Variants in TSPAN15 observed in about 807,000 individuals in gnomAD.
TSPAN15 encodes the protein tetraspanin-15.
In TSPAN15, 20 loss-of-function variants were observed where a neutral mutation model predicts 34.5. The ratio of observed to expected loss-of-function variants is 0.58; its 90% confidence interval spans 0.41 to 0.84. TSPAN15 has a LOEUF of 0.84. TSPAN15 is among the 40% of genes least tolerant of loss of function. The pLI is 0.00. For synonymous variants in TSPAN15, 155 were observed against 153.9 expected, an observed-to-expected ratio of 1.01 and a Z score of -0.05; for missense variants, 313 against 386.1, an observed-to-expected ratio of 0.81 and a Z score of 1.59.
intron 3 of TSPAN15, among the ~76,000 whole-genome samples, chr10:69,490,387 A>T (rs931917849): frequency 1.5e-4 from 23 of 152,176 alleles, no homozygotes; most frequent in African/African-American, 5.3e-4. Flanking sequence ...ACCTACACAC[A>T]TCCTCCTGTA....
intron 3 of TSPAN15, chr10:69,495,112 C>T (rs1052230176): frequency 1.9e-5 from 3 of 158,354 alleles, no homozygotes; most frequent in Non-Finnish European, 4.1e-5. Context: ...CCCCAAGTCT[C>T]GAGCTCCTCA....
rs1842353727 is a variant in TSPAN15, at chr10:69,507,333, T to C, written c.*355T>C. On this transcript the variant is annotated 3_prime_UTR_variant, in exon 8 of 8. Transcript: ENST00000373290. ...CTTGGCGGTGGTATTCAAGGCAGTT[T>C]TGTAGCACCTGTAATTGGGGAGAGG... is the stretch of plus-strand genomic sequence containing the variant. 5.7e-6 allele frequency: 7 copies of C among 1,221,076 alleles called. No individual in the cohort carries two copies. The highest frequency in any genetic ancestry group is 7.2e-5 in the Admixed American group (2 of 27,804). The allele number at this position is 1,221,076 out of a possible 1,614,324, so 75.6% of individuals were successfully genotyped here. A position where few individuals can be genotyped will look rare whatever the true frequency, so the allele number is the denominator to read the frequency against.
At chr10:69,465,525 A>C (rs1841364961) in intron 1 of TSPAN15, among the ~76,000 whole-genome samples, 1 of 152,150 alleles carries the variant, frequency 6.6e-6, no homozygotes, top group African/African-American at 2.4e-5. Context: ...CTAACAGTTA[A>C]CGAGCCCTTC....
intron 3 of TSPAN15, among the ~76,000 whole-genome samples, chr10:69,485,609 T>G (rs1219725702): frequency 6.6e-6 from 1 of 152,116 alleles, no homozygotes; most frequent in African/African-American, 2.4e-5. Flanking sequence ...GAGGTCCTTG[T>G]AGGCCATGAG....
the TSPAN15 span, among the ~76,000 whole-genome samples, chr10:69,521,165 C>T: frequency 5.4e-3 from 819 of 152,278 alleles, no homozygotes; most frequent in Non-Finnish European, 8.9e-3. Context: ...AGATCTCCTT[C>T]CCCAGCGTGG....
rs760655535 is a variant in TSPAN15 at position 69,495,741 on chromosome 10, C to A, written c.453+52C>A. 40 of 1,268,918 alleles carry A rather than the reference C, an allele frequency of 3.2e-5. No homozygotes were observed. In the African/African-American group the frequency reaches 4.9e-4, roughly 15 times the overall value. The allele number at this position is 1,268,918 out of a possible 1,614,324, so 78.6% of individuals were successfully genotyped here. ...TGCGCCTCCCGTGCTCTTAGCCCCC[C>A]ATTCAGGCCCCTGCTCAAGAAGATG... On this transcript the variant is annotated intron_variant, in intron 4 of 7. Transcript: ENST00000373290.
intron 4 of TSPAN15, among the ~76,000 whole-genome samples, chr10:69,496,401 G>A (rs1288946234): frequency 6.6e-6 from 1 of 151,306 alleles, no homozygotes; most frequent in Non-Finnish European, 1.5e-5. Context: ...GCTGTCCTGG[G>A]TGGCTTTTGT....
At chr10:69,468,073 G>C (rs969854452) in intron 1 of TSPAN15, among the ~76,000 whole-genome samples, 2 of 152,128 alleles carry the variant, frequency 1.3e-5, no homozygotes, top group Non-Finnish European at 2.9e-5. Flanking sequence ...ATTAGGAAAG[G>C]CTTGCCTGGA....
chr10:69,542,680 C>G, the TSPAN15 span, among the ~76,000 whole-genome samples: 5 of 152,232 alleles, frequency 3.3e-5, no homozygotes, highest in Non-Finnish European at 7.4e-5. Context: ...CAGGGGGGAG[C>G]CCCTCATAAA....
chr10:69,487,784 A>G (rs1311329768), intron 3 of TSPAN15, among the ~76,000 whole-genome samples: 1 of 152,196 alleles, frequency 6.6e-6, no homozygotes, highest in African/African-American at 2.4e-5. Flanking sequence ...GGGGCCCTTC[A>G]GTGCTCACAG....
In TSPAN15 at chr10:69,469,480, A is replaced by G. The variant is rs79503134; in HGVS notation, c.97-14211A>G. Among the ~76,000 whole-genome samples the G allele has an allele frequency of 2.1e-3, 318 of 151,910 alleles. 5 individuals carry two copies. The East Asian group carries it at 0.021, about 10-fold the overall frequency. ...GTAGGCTCTTTTGAGACAGAGTCTT[A>G]CTCTGTCACCCAGGTTGGCCGGAGT... is the stretch of plus-strand genomic sequence containing the variant. On this transcript the variant is annotated intron_variant, in intron 1 of 7. Coordinates refer to ENST00000373290, the MANE Select transcript of TSPAN15 (RefSeq NM_012339.5).
At chr10:69,458,661 A>T (rs1841169594) in intron 1 of TSPAN15, among the ~76,000 whole-genome samples, 1 of 152,090 alleles carries the variant, frequency 6.6e-6, no homozygotes, top group Non-Finnish European at 1.5e-5. Flanking sequence ...GGGCACAGAG[A>T]GGTCCTCCCC....
downstream of TSPAN15, chr10:69,507,709 A>T: frequency 8.3e-7 from 1 of 1,199,116 alleles, no homozygotes; most frequent in Non-Finnish European, 1.1e-6. Context: ...GGGCGGGGGT[A>T]AGGAAGGCTG....
At chr10:69,513,456 C>T in the TSPAN15 span, among the ~76,000 whole-genome samples, 1 of 152,170 alleles carries the variant, frequency 6.6e-6, no homozygotes, top group Non-Finnish European at 1.5e-5. Flanking sequence ...ATCTTCCCAC[C>T]TCAGCCTCCT....
At chr10:69,517,774 C>T in the TSPAN15 span, among the ~76,000 whole-genome samples, 1 of 152,196 alleles carries the variant, frequency 6.6e-6, no homozygotes, top group Non-Finnish European at 1.5e-5. Context: ...GTGAGGAGGG[C>T]TCTGCCAGGG....
intron 1 of TSPAN15, among the ~76,000 whole-genome samples, chr10:69,476,470 T>C (rs1457205697): frequency 4.0e-5 from 6 of 151,108 alleles, no homozygotes; most frequent in African/African-American, 1.5e-4. Context: ...GATGGGAGGA[T>C]CGCTTGAGCT....
rs184377230 is a variant in TSPAN15 at position 69,483,645 on chromosome 10, T to G, written c.97-46T>G. The G allele has an allele frequency of 4.1e-4, 650 of 1,577,628 alleles. No homozygotes were observed. In the African/African-American group the frequency reaches 7.3e-3, roughly 18 times the overall value. ...CCAGATGACTCTTTGCTGTAGAAAA[T>G]CAAGTGACCTCAGTCTCTCTCTCAC... On this transcript the variant is annotated intron_variant, in intron 1 of 7. Transcript: ENST00000373290.
chr10:69,458,187 C>T (rs952014732), intron 1 of TSPAN15, among the ~76,000 whole-genome samples: 3 of 152,216 alleles, frequency 2.0e-5, no homozygotes, highest in African/African-American at 7.2e-5. Flanking sequence ...GAGGCCACGT[C>T]CCTGGCCTCC....
chr10:69,451,494 G>A lies in TSPAN15; in HGVS notation c.-101G>A, dbSNP rs1840964606. 2.3e-6 allele frequency: 3 copies of A among 1,279,684 alleles called. No homozygotes were observed. Among genetic ancestry groups the A allele is most frequent in the East Asian group, 6.3e-5 (2 of 31,962 alleles). 79.3% of individuals were successfully genotyped at this position (1,279,684 alleles called of 1,614,324 possible). On this transcript the variant is annotated 5_prime_UTR_variant, in exon 1 of 8. Coordinates refer to ENST00000373290, the MANE Select transcript of TSPAN15 (RefSeq NM_012339.5). ...GTCCCGGAGAGAACGCCGGTGGCGG[G>A]GCTGGTAGCCCGGCAGCCGCAGGTG...
Sources: allele counts gnomAD v4.1 joint callset (sites outside exome capture counted in the v4.1 genomes callset), GRCh38; gene constraint gnomAD v4.1.1; transcripts MANE v1.5; gene names NCBI Gene and HGNC (gene_info 2026-07-23, HGNC 2026-07-21).